Variants in MALRD1 observed in about 807,000 individuals in gnomAD.
MALRD1 encodes MAM and LDL receptor class A domain containing 1, also known as MAM and LDL-receptor class A domain-containing protein 1.
A neutral mutation model predicts 242.1 loss-of-function variants in MALRD1; 247 were observed. The ratio of observed to expected loss-of-function variants is 1.02; its 90% CI spans 0.92 to 1.13. The LOEUF (loss-of-function observed/expected upper bound fraction) is 1.13. MALRD1 is among the 50% of genes most tolerant of loss of function. The probability of loss-of-function intolerance (pLI) is 0.00; values close to 1 mark genes in which losing one functional copy is unlikely to be tolerated. For missense variants in MALRD1, 2,989 were observed against 2,533.1 expected (o/e 1.18, Z -3.86); for synonymous variants, 995 against 866.6 (o/e 1.15, Z -2.60).
At chr10:19,334,878 T>C (rs954239741) in intron 24 of MALRD1, among the ~76,000 whole-genome samples, 5 of 152,126 alleles carry the variant, frequency 3.3e-5, no homozygotes, top group African/African-American at 1.2e-4. Flanking sequence ...GTTTCCAGTG[T>C]ATCTCTTTCC....
rs971143782 is a variant in MALRD1 at position 19,595,311 on chromosome 10, C to G, written c.5798C>G (p.Ser1933Cys). The change falls in exon 34 of 40, where the codon TCT becomes TGT. Residue 1933 changes from serine (S) to cysteine (C), a missense_variant. By Grantham distance (112) the Ser-to-Cys change is moderately radical. Transcript: ENST00000454679. ...GGACATGAAGACTGCATAGATGGAT[C>G]TGATGAAATGGATTGTCCTCTCAGC... The part of the protein sequence containing the change: ...CDGHEDCIDG[S>C]DEMDCPLSPT... The G allele has an allele frequency of 1.3e-6, 2 of 1,550,794 alleles. No individual in the cohort carries two copies. The highest frequency in any genetic ancestry group is 1.7e-6 in the Non-Finnish European group (2 of 1,147,010).
chr10:19,275,767 G>GTACA (rs1176528278), intron 19 of MALRD1, among the ~76,000 whole-genome samples: 1 of 152,184 alleles, frequency 6.6e-6, no homozygotes, highest in Non-Finnish European at 1.5e-5. Flanking sequence ...GTTTAAAGTA[G>GTACA]TACAGTCAGT....
chr10:19,086,179 CTGTT>C (rs1314652226), intron 2 of MALRD1, among the ~76,000 whole-genome samples: 3 of 152,046 alleles, frequency 2.0e-5, no homozygotes, highest in African/African-American at 7.2e-5. Flanking sequence ...GTTAATATCA[CTGTT>C]TGCTGCTTAA....
chr10:19,497,697 A>G (rs1281531123), intron 30 of MALRD1, among the ~76,000 whole-genome samples: 1 of 152,164 alleles, frequency 6.6e-6, no homozygotes, highest in African/African-American at 2.4e-5. Context: ...GGAAAAGTCA[A>G]TGACAATCTC....
chr10:19,544,503 A>G (rs556538648), intron 32 of MALRD1, among the ~76,000 whole-genome samples: 90 of 151,702 alleles, frequency 5.9e-4, no homozygotes, highest in African/African-American at 2.1e-3. Flanking sequence ...GAGTCTTTAG[A>G]TGGGTTGGCT....
At chr10:19,528,926 C>G (rs982767201) in intron 31 of MALRD1, among the ~76,000 whole-genome samples, 1 of 152,158 alleles carries the variant, frequency 6.6e-6, no homozygotes, top group Non-Finnish European at 1.5e-5. Context: ...AGCCCATGAA[C>G]GGGAACTCTT....
rs1412339177 is a variant in MALRD1, at chr10:19,389,513, G to A, written c.4749G>A (p.Arg1583=). 5.8e-6 allele frequency: 9 copies of A among 1,550,490 alleles called. No individual in the cohort carries two copies. The highest frequency in any genetic ancestry group is 1.7e-4 in the Middle Eastern group (1 of 6,016). The change falls in exon 28 of 40, where the codon AGG becomes AGA. Residue 1583 remains arginine (R), a synonymous_variant. Transcript: ENST00000454679. ...VGLRGDKAHF[R]STMWRESSAA... ...TTCGGGGTGACAAAGCACACTTCAG[G>A]AGTACCATGTGGCGAGAATCCAGTG...
In MALRD1 at chr10:19,607,881, C is replaced by A. The variant is rs1322969270; in HGVS notation, c.6049C>A (p.Leu2017Ile). 2.4e-5 allele frequency: 37 copies of A among 1,549,584 alleles called. 1 individual carries two copies. The East Asian group carries it at 3.9e-4, about 16-fold the overall frequency. Residue 2017 changes from leucine (L) to isoleucine (I), a missense_variant, in exon 35 of 40, where the codon CTT becomes ATT. Leu to Ile is a conservative substitution (Grantham distance 5). Transcript: ENST00000454679. ...TTTTGCCGACTGCATGGATTTCCAG[C>A]TTGATGAGTCCAGCTGCTCCGGTAC... ...DGFADCMDFQ[L>I]DESSCSECPL... is the part of the protein sequence containing the mutation.
intron 36 of MALRD1, among the ~76,000 whole-genome samples, chr10:19,616,683 A>G (rs1199719454): frequency 6.6e-6 from 1 of 152,040 alleles, no homozygotes. Context: ...TATCTGAAAA[A>G]CAATGATTAA....
intron 6 of MALRD1, 114 bp from the exon 7 acceptor site, chr10:19,124,410 T>C (rs1447955785): frequency 1.1e-6 from 1 of 883,080 alleles, no homozygotes; most frequent in Non-Finnish European, 1.5e-6. Flanking sequence ...TAAATTAGTG[T>C]GTGCTGATGT....
chr10:19,205,508 G>A (rs1192249008), intron 17 of MALRD1, among the ~76,000 whole-genome samples: 3 of 151,008 alleles, frequency 2.0e-5, no homozygotes, highest in Admixed American at 6.7e-5. Flanking sequence ...CTGCCCTTGC[G>A]GAGCTTACAA....
chr10:19,346,433 G>T lies in MALRD1; in HGVS notation c.3902-1338G>T, dbSNP rs894392992. 9.2e-5 allele frequency among the ~76,000 whole-genome samples: 14 copies of T among 152,094 alleles called. No individual in the cohort carries two copies. In the East Asian group the frequency reaches 2.7e-3, roughly 29 times the overall value. On this transcript the variant is annotated intron_variant, in intron 24 of 39. Coordinates refer to ENST00000454679, the MANE Select transcript of MALRD1 (RefSeq NM_001142308.3). ...AAAAATTTTGAACAATTGTGTAAAT[G>T]AGGCTTATTTAAGAGAGAAACATTT...
chr10:19,138,203 C>A (rs144002301), intron 10 of MALRD1, among the ~76,000 whole-genome samples: 1 of 152,100 alleles, frequency 6.6e-6, no homozygotes, highest in Non-Finnish European at 1.5e-5. Context: ...GTGAGCTCAA[C>A]GGAGCTTTTG....
In MALRD1 at chr10:19,070,276, A is replaced by G. The variant is rs528424266; in HGVS notation, c.340+3417A>G. On this transcript the variant is annotated intron_variant, in intron 2 of 39. Coordinates refer to ENST00000454679, the MANE Select transcript of MALRD1 (RefSeq NM_001142308.3). ...TGAGAACCATAGCTTAGCCTAGCCT[A>G]CCTGAAACTTGCCAAGAACATACAC... Among the ~76,000 whole-genome samples, 95 of 152,166 alleles carry G rather than the reference A, an allele frequency of 6.2e-4. 1 individual carries two copies. The highest frequency in any genetic ancestry group is 1.2e-3 in the Non-Finnish European group (79 of 68,014).
rs1403835286 is a variant in MALRD1, at chr10:19,237,620, T to C, written c.2992-20064T>C. The stretch of plus-strand genomic sequence containing the variant: ...TATAATTATAATTATAATTATATAA[T>C]TATATAATTATAATTATATATAAAT... On this transcript the variant is annotated intron_variant, in intron 18 of 39. Coordinates refer to ENST00000454679, the MANE Select transcript of MALRD1 (RefSeq NM_001142308.3). Among the ~76,000 whole-genome samples the C allele has an allele frequency of 4.1e-4, 7 of 16,894 alleles. No individual in the cohort carries two copies. The Admixed American group carries it at 4.7e-3, about 11-fold the overall frequency. The allele number at this position is 16,894 out of a possible 152,430, so 11.1% of individuals were successfully genotyped here.
At chr10:19,299,847 T>A (rs1426024107) in intron 21 of MALRD1, among the ~76,000 whole-genome samples, 1 of 151,786 alleles carries the variant, frequency 6.6e-6, no homozygotes, top group Non-Finnish European at 1.5e-5. Context: ...CTATTCAACA[T>A]AGCTCTGGAG....
chr10:19,714,668 C>T (rs185132249), intron 38 of MALRD1, among the ~76,000 whole-genome samples: 186 of 152,262 alleles, frequency 1.2e-3, no homozygotes, highest in African/African-American at 4.3e-3. Context: ...CAATGTGACA[C>T]ATCCATAAAA....
chr10:19,357,116 A>AT (rs1476280302), intron 26 of MALRD1, among the ~76,000 whole-genome samples: 135 of 151,358 alleles, frequency 8.9e-4, no homozygotes, highest in African/African-American at 2.1e-3. Context: ...TCTGAAAAAA[A>AT]AAAATAAAAA....
intron 36 of MALRD1, among the ~76,000 whole-genome samples, chr10:19,624,053 T>C (rs891550099): frequency 2.6e-5 from 4 of 152,154 alleles, no homozygotes; most frequent in African/African-American, 7.2e-5. Context: ...ACACACACTT[T>C]GCTAATTGCT....
Sources: gnomAD v4.1 joint callset for allele counts (sites outside exome capture counted in the v4.1 genomes callset) on GRCh38, gnomAD v4.1.1 for gene constraint, MANE v1.5 for transcripts, NCBI Gene and HGNC (gene_info 2026-07-23, HGNC 2026-07-21) for gene names.